PUS7: variants seen among roughly 807,000 people sequenced by gnomAD.
PUS7 encodes the protein pseudouridylate synthase 7 homolog.
In PUS7, 48 loss-of-function variants were observed where a neutral mutation model predicts 79.8. The ratio of observed to expected loss-of-function variants is 0.60; its 90% CI spans 0.48 to 0.76. The LOEUF is 0.76. Ranked by LOEUF, PUS7 falls within the 30% of genes least tolerant of loss-of-function variation. PUS7 has a pLI of 0.00. For synonymous variants in PUS7, 286 were observed against 272.2 expected (o/e 1.05, Z -0.50); for missense variants, 729 against 797.6 (o/e 0.91, Z 1.04).
At chr7:105,467,032 C>CTTTTTTTT (rs1823671015) in intron 12 of PUS7, among the ~76,000 whole-genome samples, 1 of 51,028 alleles carries the variant, frequency 2.0e-5, no homozygotes, top group African/African-American at 7.9e-5. Context: ...CCAGTTTTTT[C>CTTTTTTTT]TGTTTTTTTT....
chr7:105,497,201 T>G (rs989963375), intron 5 of PUS7, among the ~76,000 whole-genome samples: 2 of 152,220 alleles, frequency 1.3e-5, no homozygotes, highest in African/African-American at 4.8e-5. Context: ...GCAGCCTCCT[T>G]GTCTCAATCC....
chr7:105,509,247 T>C (rs1275205606), intron 1 of PUS7, among the ~76,000 whole-genome samples: 1 of 146,872 alleles, frequency 6.8e-6, no homozygotes. Flanking sequence ...AAGGCATAGT[T>C]AATGTTGTTC....
At chr7:105,513,636 G>A (rs34677599) in intron 1 of PUS7, among the ~76,000 whole-genome samples, 176 of 137,402 alleles carry the variant, frequency 1.3e-3, no homozygotes, top group East Asian at 9.5e-3. Context: ...AGGAGATCGA[G>A]ACCAACCTGG....
rs539577471 is a variant in PUS7 at position 105,490,133 on chromosome 7, G to T, written c.920+1407C>A. On this transcript the variant is annotated intron_variant, in intron 7 of 15. Transcript: ENST00000469408. ...GACTAAAAAAAAAAAAAAAAAATCCGAGAAACCAAAATAAATACATGTATT... is the reference window on the plus strand; with the variant it reads ...GACTAAAAAAAAAAAAAAAAAATCCTAGAAACCAAAATAAATACATGTATT... Among the ~76,000 whole-genome samples, 4 of 149,866 alleles carry T rather than the reference G, an allele frequency of 2.7e-5. No homozygotes were observed. In the South Asian group the frequency reaches 8.4e-4, roughly 32 times the overall value.
rs745472584 is a variant in PUS7, at chr7:105,506,005, A to G, written c.535T>C (p.Leu179=). 5.6e-6 allele frequency: 9 copies of G among 1,613,994 alleles called. No homozygotes were observed. Among genetic ancestry groups the G allele is most frequent in the Non-Finnish European group, 7.6e-6 (9 of 1,179,938 alleles). The stretch of plus-strand genomic sequence containing the variant: ...TTTTTGAACAGCTGGAGCTCTTCCA[A>G]TCGCTGCTTTTCTTCAGCTGTCAAA... ...TVLTAEEKQR[L]EELQLFKNKE... Residue 179 remains leucine (L), a synonymous_variant, in exon 4 of 16, where the codon TTG becomes CTG. Coordinates refer to ENST00000469408, the MANE Select transcript of PUS7 (RefSeq NM_019042.5).
At chr7:105,485,250 C>T (rs1338771650) in intron 7 of PUS7, among the ~76,000 whole-genome samples, 1 of 152,098 alleles carries the variant, frequency 6.6e-6, no homozygotes, top group Non-Finnish European at 1.5e-5. Context: ...TTGCTCTTTG[C>T]CCAGGCTGGA....
intron 8 of PUS7, among the ~76,000 whole-genome samples, chr7:105,481,698 T>C (rs1240728584): frequency 6.6e-6 from 1 of 152,068 alleles, no homozygotes; most frequent in East Asian, 1.9e-4. Context: ...GATTTGCCTA[T>C]TCTAGGCGCT....
At chr7:105,493,222 A>G (rs765981652) in intron 6 of PUS7, among the ~76,000 whole-genome samples, 7 of 152,268 alleles carry the variant, frequency 4.6e-5, no homozygotes, top group Non-Finnish European at 8.8e-5. Flanking sequence ...GCCAAATGAA[A>G]TGCTAAAACT....
intron 5 of PUS7, among the ~76,000 whole-genome samples, chr7:105,498,548 T>TTA (rs1400320938): frequency 6.6e-6 from 1 of 152,128 alleles, no homozygotes; most frequent in African/African-American, 2.4e-5. Flanking sequence ...GAAGTTTGAT[T>TTA]TATTGAGCAC....
rs543107313 is a variant in PUS7, at chr7:105,481,273, C to T, written c.1050-96G>A. On this transcript the variant is annotated intron_variant, in intron 8 of 15. Transcript: ENST00000469408. Reference sequence around the variant, plus strand: ...ACTACGGCCTGGCTTCCAAGTCTTTCGTTCACTCTCCTGCAGCTTTCTCTC... The same window carrying T: ...ACTACGGCCTGGCTTCCAAGTCTTTTGTTCACTCTCCTGCAGCTTTCTCTC... 1.3e-4 allele frequency: 132 copies of T among 1,048,184 alleles called. No homozygotes were observed. In the East Asian group the frequency reaches 3.3e-3, roughly 26 times the overall value. The allele number at this position is 1,048,184 out of a possible 1,614,324, so 64.9% of individuals were successfully genotyped here. A position where few individuals can be genotyped will look rare whatever the true frequency, so the allele number is the denominator to read the frequency against.
At chr7:105,494,660 G>A (rs1383404580) in intron 6 of PUS7, among the ~76,000 whole-genome samples, 2 of 151,932 alleles carry the variant, frequency 1.3e-5, no homozygotes, top group Admixed American at 6.6e-5. Context: ...TGCCTTCCTC[G>A]GCCTCCCAAA....
rs1417651136 is a variant in PUS7 at position 105,506,025 on chromosome 7, G to A, written c.515C>T (p.Thr172Ile). 6.2e-7 allele frequency: 1 copy of A among 1,613,708 alleles called. No individual in the cohort carries two copies. The highest frequency in any genetic ancestry group is 8.5e-7 in the Non-Finnish European group (1 of 1,179,886). ...DPSEDIFTVL[T>I]AEEKQRLEEL... ...TTCCAATCGCTGCTTTTCTTCAGCT[G>A]TCAAAACTGTAAATATGTCTTCTGA... is the stretch of plus-strand genomic sequence containing the variant. The change falls in exon 4 of 16, where the codon ACA becomes ATA. Residue 172 changes from threonine (T) to isoleucine (I), a missense_variant. Physicochemically the swap from Thr to Ile is moderately conservative, Grantham distance 89. Transcript: ENST00000469408.
intron 4 of PUS7, among the ~76,000 whole-genome samples, chr7:105,503,925 G>T (rs982909179): frequency 1.3e-5 from 2 of 152,092 alleles, no homozygotes; most frequent in African/African-American, 4.8e-5. Context: ...GAGCCACTGT[G>T]CCCAGCCCTT....
Position 105,457,926 on chromosome 7 carries a change from T to G in PUS7, c.1850A>C (p.Glu617Ala). The stretch of plus-strand genomic sequence containing the variant: ...CATTTTCAGAGCCCTGTATTTGCCT[T>G]CTGCAAGGCAAGAAAGAAAACAGTC... ...EGKTPPVFAS[E>A]GKYRALKMDF... The change falls in exon 16 of 16, where the codon GAA becomes GCA. Residue 617 changes from glutamate to alanine, a missense_variant and splice_region_variant. Physicochemically the swap from Glu to Ala is moderately radical, Grantham distance 107 (BLOSUM62 -1). Coordinates refer to ENST00000469408, the MANE Select transcript of PUS7 (RefSeq NM_019042.5). 1 of 1,612,512 alleles carries G rather than the reference T, an allele frequency of 6.2e-7. No homozygotes were observed. Among genetic ancestry groups the G allele is most frequent in the Non-Finnish European group, 8.5e-7 (1 of 1,179,404 alleles).
chr7:105,520,094 C>T (rs531419016), intron 1 of PUS7, among the ~76,000 whole-genome samples: 2 of 152,290 alleles, frequency 1.3e-5, no homozygotes, highest in African/African-American at 2.4e-5. Context: ...AAGGCTGAGG[C>T]GGGTGGATCA....
chr7:105,459,540 C>G (rs1823327670), intron 14 of PUS7, among the ~76,000 whole-genome samples: 1 of 151,090 alleles, frequency 6.6e-6, no homozygotes. Flanking sequence ...TGGGTTCAAT[C>G]AATTCTCCTG....
At chr7:105,478,713 C>T (rs553437214) in intron 9 of PUS7, among the ~76,000 whole-genome samples, 4 of 152,312 alleles carry the variant, frequency 2.6e-5, no homozygotes, top group African/African-American at 9.6e-5. Flanking sequence ...GTCATTTCTC[C>T]ACCTATACAA....
At chr7:105,496,224 T>TAGAGAGAGAGAG (rs1562809031) in intron 5 of PUS7, among the ~76,000 whole-genome samples, 26 of 83,992 alleles carry the variant, frequency 3.1e-4, no homozygotes, top group Admixed American at 7.5e-4. Flanking sequence ...TATATATATA[T>TAGAGAGAGAGAG]ATAGAGAGAG....
In PUS7 at chr7:105,513,406, C is replaced by G. The variant is rs923567337; in HGVS notation, c.-32-4862G>C. Among the ~76,000 whole-genome samples the G allele has an allele frequency of 3.9e-5, 6 of 152,202 alleles. No homozygotes were observed. In the South Asian group the frequency reaches 1.2e-3, roughly 32 times the overall value. ...TCTTGGAGACAGATCTAGGTTTTGC[C>G]ATTTACTAAGTGGGTGACTTAACCT... On this transcript the variant is annotated intron_variant, in intron 1 of 15. Transcript: ENST00000469408.
Sources: gnomAD v4.1 joint callset for allele counts (sites outside exome capture counted in the v4.1 genomes callset) on GRCh38, gnomAD v4.1.1 for gene constraint, MANE v1.5 for transcripts, NCBI Gene and HGNC (gene_info 2026-07-23, HGNC 2026-07-21) for gene names.